KIF1C: variants seen among roughly 807,000 people sequenced by gnomAD.
The protein encoded by KIF1C is kinesin family member 1C.
A neutral mutation model predicts 126.5 loss-of-function variants in KIF1C; 61 were observed. The observed-to-expected ratio is 0.48, with a 90% CI of 0.39 to 0.60. The LOEUF (loss-of-function observed/expected upper bound fraction) is 0.60. KIF1C is among the 20% of genes least tolerant of loss of function. The probability of loss-of-function intolerance (pLI) is 0.00; values close to 1 mark genes in which losing one functional copy is unlikely to be tolerated. For synonymous variants in KIF1C, 640 were observed against 580.6 expected, an observed-to-expected ratio of 1.10 and a Z score of -1.47; for missense variants, 1,315 against 1,489.2, an observed-to-expected ratio of 0.88 and a Z score of 1.93.
intron 3 of KIF1C, among the ~76,000 whole-genome samples, 192 bp from the exon 4 acceptor site, chr17:5,000,580 G>T (rs1974560862): frequency 1.3e-5 from 2 of 152,100 alleles, no homozygotes; most frequent in African/African-American, 4.8e-5. Flanking sequence ...AGGCAGCTCA[G>T]TGGGGGCGGG....
chr17:5,016,309 G>GA (rs1974971567), intron 18 of KIF1C, among the ~76,000 whole-genome samples: 3 of 151,544 alleles, frequency 2.0e-5, no homozygotes, highest in African/African-American at 7.3e-5. Flanking sequence ...GGCTAATTTT[G>GA]TATTTTTAGT....
rs1167459718 is a variant in KIF1C at position 5,020,380 on chromosome 17, G to T, written c.1751-112G>T. 4.5e-6 allele frequency: 5 copies of T among 1,111,030 alleles called. No individual in the cohort carries two copies. The East Asian group carries it at 1.3e-4, about 28-fold the overall frequency. The allele number at this position is 1,111,030 out of a possible 1,614,324, so 68.8% of individuals were successfully genotyped here. ...CTCCAACTGCCTTCAGACTTGGGGT[G>T]ATGAAGGGGAGGGTGTCACAGCCCC... is the stretch of plus-strand genomic sequence containing the variant. On this transcript the variant is annotated intron_variant, in intron 19 of 22. Transcript: ENST00000320785. The surrounding 1 kb of genome is among the most constrained non-coding windows in gnomAD (Gnocchi z 5.8).
At chr17:5,021,611 G>C (rs913981373) in intron 21 of KIF1C, among the ~76,000 whole-genome samples, 4 of 152,140 alleles carry the variant, frequency 2.6e-5, no homozygotes, top group Non-Finnish European at 5.9e-5. Flanking sequence ...CTCCTGAGTA[G>C]CTGGGATCAC....
intron 21 of KIF1C, among the ~76,000 whole-genome samples, chr17:5,021,418 C>T (rs761216677): frequency 1.3e-5 from 2 of 151,996 alleles, no homozygotes; most frequent in South Asian, 4.1e-4. Context: ...TCAGGTGATC[C>T]GCCTGCCTCA....
chr17:5,004,127 T>C lies in KIF1C; in HGVS notation c.940+54T>C, dbSNP rs551072895. ...ACCCTGACACATCCCACAAACTCTT[T>C]TGATACATCTGACAAATCCCCTTGC... On this transcript the variant is annotated intron_variant, in intron 11 of 22. Transcript: ENST00000320785. 41 of 1,231,276 alleles carry C rather than the reference T, an allele frequency of 3.3e-5. No homozygotes were observed. The South Asian group carries it at 3.6e-4, about 11-fold the overall frequency. The allele number at this position is 1,231,276 out of a possible 1,614,324, so 76.3% of individuals were successfully genotyped here. A position where few individuals can be genotyped will look rare whatever the true frequency, so the allele number is the denominator to read the frequency against.
Position 5,023,642 on chromosome 17 carries a change from C to G in KIF1C, c.2803C>G (p.Arg935Gly). 6.2e-7 allele frequency: 1 copy of G among 1,612,966 alleles called. No individual in the cohort carries two copies. Among genetic ancestry groups the G allele is most frequent in the Non-Finnish European group, 8.5e-7 (1 of 1,179,530 alleles). Residue 935 changes from arginine (R) to glycine (G), a missense_variant, in exon 23 of 23, where the codon CGT (arginine) becomes GGT (glycine). Arg to Gly is a moderately radical substitution (Grantham distance 125, BLOSUM62 -2). Transcript: ENST00000320785. The surrounding 1 kb of genome is among the most constrained non-coding windows in gnomAD (Gnocchi z 4.2). ...GCTCATGGAGGAGGACCCTGCCTTC[C>G]GTCGTGGTCGTCTTCGCTGGCTCAA... The part of the protein sequence containing the change: ...SRLMEEDPAF[R>G]RGRLRWLKQE...
intron 16 of KIF1C, among the ~76,000 whole-genome samples, chr17:5,009,340 C>T (rs144273187): frequency 1.3e-4 from 20 of 151,968 alleles, no homozygotes; most frequent in African/African-American, 3.4e-4. Context: ...CCATCACACC[C>T]GGCTAATATT....
At chr17:5,008,553 C>A (rs1974787362) in intron 16 of KIF1C, among the ~76,000 whole-genome samples, 1 of 152,196 alleles carries the variant, frequency 6.6e-6, no homozygotes, top group Non-Finnish European at 1.5e-5. Flanking sequence ...TGATGGGTTA[C>A]CAGAAGAAGG....
chr17:5,013,803 T>G (rs1410278738), intron 17 of KIF1C, 71 bp downstream of exon 17: 13 of 1,189,614 alleles, frequency 1.1e-5, no homozygotes, highest in African/African-American at 3.0e-5. Flanking sequence ...TTGTCCACAT[T>G]GGTGTCTCCC....
intron 17 of KIF1C, among the ~76,000 whole-genome samples, 172 bp from the exon 18 acceptor site, chr17:5,014,571 A>G (rs979954006): frequency 6.6e-5 from 10 of 152,204 alleles, no homozygotes; most frequent in African/African-American, 2.4e-4. Context: ...GCATCACTTC[A>G]CTGCCCACTG....
Position 5,015,582 on chromosome 17 carries a change from C to CTTT in KIF1C, c.1666+769_1666+771dup, listed in dbSNP as rs58961639. On this transcript the variant is annotated intron_variant, in intron 18 of 22. Coordinates refer to ENST00000320785, the MANE Select transcript of KIF1C (RefSeq NM_006612.6). Reference sequence around the variant, plus strand: ...TACAGGCGTGAGCCACTGCCCCCAGCTTTTTTTTTTTTTTTTTTTTTTTTT... The same window carrying CTTT: ...TACAGGCGTGAGCCACTGCCCCCAGCTTTTTTTTTTTTTTTTTTTTTTTTTTTT... 8.6e-3 allele frequency among the ~76,000 whole-genome samples: 611 copies of CTTT among 71,230 alleles called. 43 individuals are homozygous for CTTT. Among genetic ancestry groups the CTTT allele is most frequent in the Non-Finnish European group, 0.012 (449 of 39,032 alleles). 46.7% of individuals were successfully genotyped at this position (71,230 alleles called of 152,430 possible). A position where few individuals can be genotyped will look rare whatever the true frequency, so the allele number is the denominator to read the frequency against.
chr17:5,001,080 G>T (rs1974578540), intron 4 of KIF1C, 142 bp from the exon 5 acceptor site: 3 of 965,966 alleles, frequency 3.1e-6, no homozygotes, highest in Non-Finnish European at 4.8e-6. Flanking sequence ...CCTTGGGGTG[G>T]TAAGGACAAT....
In KIF1C at chr17:5,023,329, A is replaced by G; in HGVS notation, c.2629-139A>G. 2.8e-6 allele frequency: 2 copies of G among 714,506 alleles called. No individual in the cohort carries two copies. Among genetic ancestry groups the G allele is most frequent in the East Asian group, 2.7e-5 (1 of 36,544 alleles). 44.3% of individuals were successfully genotyped at this position (714,506 alleles called of 1,614,324 possible). A position where few individuals can be genotyped will look rare whatever the true frequency, so the allele number is the denominator to read the frequency against. On this transcript the variant is annotated intron_variant, in intron 22 of 22. Transcript: ENST00000320785. The surrounding 1 kb of genome is among the most constrained non-coding windows in gnomAD (Gnocchi z 4.2). ...CCACTGCGCCCGGCCCTAAACCACT[A>G]TTTTTCGAGCTTCCTTATCTCTAGG...
intron 16 of KIF1C, 46 bp from the exon 17 acceptor site, chr17:5,013,607 G>A (rs1387821355): frequency 7.1e-7 from 1 of 1,401,492 alleles, no homozygotes; most frequent in Admixed American, 1.7e-5. Flanking sequence ...CCTTTCTATA[G>A]CACCCCTGGC....
In KIF1C at chr17:5,014,296, G is replaced by A. The variant is rs140816461; in HGVS notation, c.1572-447G>A. On this transcript the variant is annotated intron_variant, in intron 17 of 22. Coordinates refer to ENST00000320785, the MANE Select transcript of KIF1C (RefSeq NM_006612.6). ...TGGAGGCCTGTGGCTGAGGGTGCCC[G>A]TTTCTCCCAGGTTTGCTTGTACCCA... The A allele has an allele frequency of 3.6e-3, 603 of 166,116 alleles. 3 individuals are homozygous for A. The highest frequency in any genetic ancestry group is 0.014 in the African/African-American group (581 of 41,872). 10.3% of individuals were successfully genotyped at this position (166,116 alleles called of 1,614,324 possible). A position where few individuals can be genotyped will look rare whatever the true frequency, so the allele number is the denominator to read the frequency against.
intron 18 of KIF1C, 73 bp from the exon 19 acceptor site, chr17:5,019,923 G>A: frequency 3.2e-6 from 4 of 1,232,240 alleles, no homozygotes; most frequent in Non-Finnish European, 4.7e-6. Context: ...GGTAAGGCAA[G>A]GTGGGAATCT....
intron 16 of KIF1C, among the ~76,000 whole-genome samples, chr17:5,010,850 G>T (rs62072490): frequency 0.24 from 36,708 of 150,506 alleles, 5,574 homozygotes; most frequent in Non-Finnish European, 0.34. Flanking sequence ...TTGCTGTGTT[G>T]CCCAGGCTGG....
chr17:5,008,402 G>C (rs1413997775), intron 16 of KIF1C, among the ~76,000 whole-genome samples: 1 of 152,156 alleles, frequency 6.6e-6, no homozygotes, highest in Non-Finnish European at 1.5e-5. Flanking sequence ...GCCAGTTTGA[G>C]CAGAGCATGA....
At chr17:4,999,615 C>A (rs1375297785) in intron 1 of KIF1C, among the ~76,000 whole-genome samples, 1 of 152,116 alleles carries the variant, frequency 6.6e-6, no homozygotes, top group Non-Finnish European at 1.5e-5. Context: ...GCCCTCTGTC[C>A]AGCCTCTTTC....
Sources: allele counts gnomAD v4.1 joint callset (sites outside exome capture counted in the v4.1 genomes callset), GRCh38; gene constraint gnomAD v4.1.1; non-coding constraint Gnocchi (gnomAD v3.1); transcripts MANE v1.5; gene names NCBI Gene and HGNC (gene_info 2026-07-23, HGNC 2026-07-21).